The following DCDC1 variants were observed in gnomAD, a reference collection of about 807,000 sequenced individuals.
DCDC1 encodes the protein doublecortin domain-containing protein 1.
A neutral mutation model predicts 178.3 loss-of-function variants in DCDC1; 200 were observed. The ratio of observed to expected loss-of-function variants is 1.12; its 90% CI spans 1.00 to 1.26. The LOEUF is 1.26. Ranked by LOEUF, DCDC1 falls within the 50% of genes most tolerant of loss-of-function variation. DCDC1 has a pLI of 0.00. For synonymous variants in DCDC1, 690 were observed against 604.8 expected, an observed-to-expected ratio of 1.14 and a Z score of -2.07; for missense variants, 1,983 against 1,749.2, an observed-to-expected ratio of 1.13 and a Z score of -2.38.
rs112746688 is a variant in DCDC1 at position 30,904,509 on chromosome 11, C to T, written c.4308+452G>A. ...GACCAGGTAGTTCCTCCTAACACAG[C>T]CCCTGCTTCCCCAATTTGAAAATAA... On this transcript the variant is annotated intron_variant, in intron 31 of 38. Coordinates refer to ENST00000684477, the MANE Select transcript of DCDC1 (RefSeq NM_001387274.1). The T allele has an allele frequency of 1.2e-3, 219 of 176,874 alleles. 1 individual carries two copies. Among genetic ancestry groups the T allele is most frequent in the African/African-American group, 4.5e-3 (190 of 42,162 alleles). The allele number at this position is 176,874 out of a possible 1,614,324, so 11.0% of individuals were successfully genotyped here. A position where few individuals can be genotyped will look rare whatever the true frequency, so the allele number is the denominator to read the frequency against.
chr11:31,152,434 C>A (rs937435560), intron 9 of DCDC1, among the ~76,000 whole-genome samples: 2 of 152,134 alleles, frequency 1.3e-5, no homozygotes, highest in East Asian at 3.8e-4. Context: ...TGCAGGGTAA[C>A]CATGTGATCT....
chr11:31,167,148 G>T (rs1473209518), intron 9 of DCDC1, among the ~76,000 whole-genome samples: 1 of 152,112 alleles, frequency 6.6e-6, no homozygotes, highest in Non-Finnish European at 1.5e-5. Flanking sequence ...GGTAAGAAGA[G>T]GCTAGGAAAA....
chr11:31,205,334 T>C (rs919462631), intron 9 of DCDC1, among the ~76,000 whole-genome samples: 3 of 152,168 alleles, frequency 2.0e-5, no homozygotes, highest in Admixed American at 6.5e-5. Context: ...TATCCAAGCC[T>C]TTCCAGAAAA....
intron 9 of DCDC1, among the ~76,000 whole-genome samples, chr11:31,218,162 T>C (rs961875203): frequency 9.9e-5 from 15 of 152,032 alleles, no homozygotes; most frequent in Middle Eastern, 3.4e-3. Context: ...GAAAATATAA[T>C]TACAGATTTT....
At chr11:31,137,421 C>G (rs1255293285) in intron 10 of DCDC1, among the ~76,000 whole-genome samples, 20 of 149,956 alleles carry the variant, frequency 1.3e-4, no homozygotes, top group Non-Finnish European at 2.5e-4. Context: ...GCAATCTCTG[C>G]TCACTGCAAC....
At chr11:31,156,277 G>A (rs781603753) in intron 9 of DCDC1, among the ~76,000 whole-genome samples, 38 of 152,094 alleles carry the variant, frequency 2.5e-4, no homozygotes, top group Admixed American at 1.0e-3. Context: ...CACTTAATTA[G>A]AGTTCAAAGC....
intron 20 of DCDC1, among the ~76,000 whole-genome samples, chr11:30,972,940 T>C (rs1048058693): frequency 1.3e-5 from 2 of 152,130 alleles, no homozygotes; most frequent in African/African-American, 4.8e-5. Context: ...GGTGCTGTCC[T>C]CTTGTTAAGA....
At chr11:30,887,636 C>T (rs1418823916) in intron 36 of DCDC1, among the ~76,000 whole-genome samples, 1 of 152,182 alleles carries the variant, frequency 6.6e-6, no homozygotes, top group East Asian at 1.9e-4. Flanking sequence ...GCCAATTCTG[C>T]ACGTACTAGT....
chr11:30,942,398 G>A (rs1441858355), intron 21 of DCDC1, among the ~76,000 whole-genome samples: 1 of 152,144 alleles, frequency 6.6e-6, no homozygotes, highest in African/African-American at 2.4e-5. Flanking sequence ...TGAAGCAAGG[G>A]TTGGGTAGGT....
intron 3 of DCDC1, among the ~76,000 whole-genome samples, chr11:31,308,905 A>G (rs1948609311): frequency 6.6e-6 from 1 of 152,050 alleles, no homozygotes; most frequent in Non-Finnish European, 1.5e-5. Context: ...ATTCCTCAAT[A>G]GTTATTGCAT....
At chr11:30,894,182 T>G in intron 35 of DCDC1, 66 bp downstream of exon 35, 1 of 1,555,122 alleles carries the variant, frequency 6.4e-7, no homozygotes, top group African/African-American at 1.4e-5. Flanking sequence ...TAAAATTCAA[T>G]ATTGTACTTT....
At chr11:31,201,830 A>C (rs1384141209) in intron 9 of DCDC1, among the ~76,000 whole-genome samples, 2 of 152,180 alleles carry the variant, frequency 1.3e-5, no homozygotes, top group Non-Finnish European at 2.9e-5. Flanking sequence ...AGAAGTGAAA[A>C]CAAAGTGAAC....
chr11:31,085,698 C>CATTGATTG lies in DCDC1; in HGVS notation c.2237+5687_2237+5694dup, dbSNP rs58403602. On this transcript the variant is annotated intron_variant, in intron 17 of 38. Transcript: ENST00000684477. Reference sequence around the variant, plus strand: ...CTTTTAGAAATAAAGCTGCTAAGAACATTGATTGATTGATTGATTGATTGA... The same window carrying CATTGATTG: ...CTTTTAGAAATAAAGCTGCTAAGAACATTGATTGATTGATTGATTGATTGATTGATTGA... Among the ~76,000 whole-genome samples the CATTGATTG allele has an allele frequency of 5.7e-4, 86 of 149,754 alleles. 2 individuals are homozygous for CATTGATTG. In the South Asian group the frequency reaches 0.017, roughly 29 times the overall value.
At chr11:31,275,686 T>G (rs1945934482) in intron 7 of DCDC1, among the ~76,000 whole-genome samples, 1 of 152,158 alleles carries the variant, frequency 6.6e-6, no homozygotes, top group South Asian at 2.1e-4. Flanking sequence ...GTATTTTTAG[T>G]AGAGACAGGG....
chr11:31,002,513 TGATGATTCTC>T (rs1035793880), intron 20 of DCDC1, among the ~76,000 whole-genome samples: 1 of 152,120 alleles, frequency 6.6e-6, no homozygotes, highest in Non-Finnish European at 1.5e-5. Flanking sequence ...AGACTAACAA[TGATGATTCTC>T]GAAGGGGCAG....
intron 9 of DCDC1, among the ~76,000 whole-genome samples, chr11:31,138,505 T>A (rs1963432120): frequency 6.6e-6 from 1 of 152,224 alleles, no homozygotes; most frequent in South Asian, 2.1e-4. Context: ...AAAATAATAT[T>A]TGCTCAACAG....
chr11:31,352,946 A>G (rs1304223809), intron 1 of DCDC1, among the ~76,000 whole-genome samples: 1 of 152,212 alleles, frequency 6.6e-6, no homozygotes, highest in Non-Finnish European at 1.5e-5. Context: ...TTTTATTGAC[A>G]TTGTGTTCCC....
chr11:31,272,781 T>C (rs1284266638), intron 7 of DCDC1, among the ~76,000 whole-genome samples: 2 of 152,232 alleles, frequency 1.3e-5, no homozygotes, highest in African/African-American at 2.4e-5. Context: ...GCTGCTTTCA[T>C]GGGCTGGTGT....
chr11:31,250,385 TACACACAC>T lies in DCDC1; in HGVS notation c.1055-8777_1055-8770del, dbSNP rs10640581. Among the ~76,000 whole-genome samples, 8 of 92,742 alleles carry T rather than the reference TACACACAC, an allele frequency of 8.6e-5. 1 individual carries two copies. The highest frequency in any genetic ancestry group is 3.3e-4 in the African/African-American group (8 of 23,980). The allele number at this position is 92,742 out of a possible 152,430, so 60.8% of individuals were successfully genotyped here. ...TATGAAAGGAATCAGAGTGAATGAATACACACACACACACACACACACACACACACATA... is the reference window on the plus strand; with the variant it reads ...TATGAAAGGAATCAGAGTGAATGAATACACACACACACACACACACACATA... On this transcript the variant is annotated intron_variant, in intron 8 of 38. Coordinates refer to ENST00000684477, the MANE Select transcript of DCDC1 (RefSeq NM_001387274.1).
Sources: allele counts gnomAD v4.1 joint callset (sites outside exome capture counted in the v4.1 genomes callset), GRCh38; gene constraint gnomAD v4.1.1; transcripts MANE v1.5; gene names NCBI Gene and HGNC (gene_info 2026-07-23, HGNC 2026-07-21).